The following NDUFA10 variants were observed in gnomAD, a reference collection of about 807,000 sequenced individuals.
NDUFA10 encodes NADH dehydrogenase [ubiquinone] 1 alpha subcomplex subunit 10, mitochondrial.
A neutral mutation model predicts 47.8 loss-of-function variants in NDUFA10; 40 were observed. The ratio of observed to expected loss-of-function variants is 0.84; its 90% CI spans 0.65 to 1.09. The LOEUF (loss-of-function observed/expected upper bound fraction) is 1.09, where lower values mean the gene tolerates loss of function less well. Ranked by LOEUF, NDUFA10 falls within the 50% of genes least tolerant of loss-of-function variation. NDUFA10 has a pLI of 0.00. For missense variants in NDUFA10, 413 were observed against 451.1 expected (o/e 0.92, Z 0.76); for synonymous variants, 183 against 172.2 (o/e 1.06, Z -0.49).
intron 4 of NDUFA10, among the ~76,000 whole-genome samples, chr2:239,940,988 G>C (rs1694351351): frequency 6.6e-6 from 1 of 152,216 alleles, no homozygotes; most frequent in Admixed American, 6.5e-5. Flanking sequence ...TCTTCTCCAT[G>C]TGTGAGGTTC....
intron 4 of NDUFA10, among the ~76,000 whole-genome samples, chr2:239,920,745 G>A (rs929080129): frequency 1.3e-5 from 2 of 152,146 alleles, no homozygotes; most frequent in African/African-American, 2.4e-5. Flanking sequence ...GAGGCGCTGT[G>A]GTTTTGTTTC....
intron 4 of NDUFA10, among the ~76,000 whole-genome samples, chr2:239,913,629 T>C (rs1693791373): frequency 6.6e-6 from 1 of 152,242 alleles, no homozygotes; most frequent in African/African-American, 2.4e-5. Context: ...TTCCTGCATG[T>C]ATGCGTCAGG....
At chr2:239,913,357 C>A (rs1041084602) in intron 4 of NDUFA10, among the ~76,000 whole-genome samples, 1 of 152,244 alleles carries the variant, frequency 6.6e-6, no homozygotes, top group African/African-American at 2.4e-5. Context: ...GGGCTCGTTG[C>A]TCGGCCCACG....
intron 7 of NDUFA10, 152 bp downstream of exon 7, chr2:240,007,164 G>A: frequency 1.5e-6 from 1 of 668,306 alleles, no homozygotes; most frequent in Non-Finnish European, 2.7e-6. Context: ...CCAGGGGAGT[G>A]TGATGATGGG....
intron 4 of NDUFA10, among the ~76,000 whole-genome samples, chr2:239,902,134 A>T (rs1439845223): frequency 6.6e-6 from 1 of 152,226 alleles, no homozygotes; most frequent in East Asian, 1.9e-4. Context: ...CAATTTTAAA[A>T]TTTAAAATTT....
intron 5 of NDUFA10, chr2:240,014,522 C>A: frequency 1.5e-6 from 1 of 653,224 alleles, no homozygotes; most frequent in South Asian, 1.7e-5. Flanking sequence ...CCGCAGAGCA[C>A]TGGTGGGCGG....
chr2:239,981,750 T>A (rs1695783839), intron 9 of NDUFA10, among the ~76,000 whole-genome samples: 1 of 152,176 alleles, frequency 6.6e-6, no homozygotes, highest in African/African-American at 2.4e-5. Context: ...AGACCACCTA[T>A]TTACAGAAGC....
chr2:239,927,192 A>G (rs74270141), intron 4 of NDUFA10, among the ~76,000 whole-genome samples: 9,435 of 152,274 alleles, frequency 0.062, 378 homozygotes, highest in East Asian at 0.11. Flanking sequence ...TTTGTGCCTT[A>G]GTATTTTTTT....
chr2:239,927,109 G>A lies in NDUFA10; in HGVS notation c.295-31795C>T, dbSNP rs538382738. Among the ~76,000 whole-genome samples, 7 of 152,262 alleles carry A rather than the reference G, an allele frequency of 4.6e-5. No homozygotes were observed. In the South Asian group the frequency reaches 1.5e-3, roughly 32 times the overall value. On this transcript the variant is annotated intron_variant, in intron 4 of 5. Transcript: ENST00000419408. ...GGAGCTACAATTCAAGATGAGACTT[G>A]GGTGGGGACACAGTTATACCCTATC... is the stretch of plus-strand genomic sequence containing the variant.
intron 4 of NDUFA10, among the ~76,000 whole-genome samples, chr2:239,932,054 T>C (rs1475201164): frequency 6.6e-6 from 1 of 151,838 alleles, no homozygotes; most frequent in Non-Finnish European, 1.5e-5. Flanking sequence ...CAGGATGGTC[T>C]CAATCTCCTG....
At chr2:239,956,131 A>G (rs1331177529), downstream of NDUFA10, among the ~76,000 whole-genome samples, 1 of 152,154 alleles carries the variant, frequency 6.6e-6, no homozygotes, top group East Asian at 1.9e-4. Context: ...AAGAGCTAGC[A>G]CATCTGGACC....
rs541407282 is a variant in NDUFA10, at chr2:239,992,000, T to C, written c.891-1818A>G. Among the ~76,000 whole-genome samples, 116 of 152,348 alleles carry C rather than the reference T, an allele frequency of 7.6e-4. 1 individual carries two copies. The highest frequency in any genetic ancestry group is 4.4e-3 in the Admixed American group (68 of 15,304). ...AGATTAAAAAAAGAATCTGTTGCAA[T>C]GATTCTACAATTTATTTATACCTAA... On this transcript the variant is annotated intron_variant, in intron 8 of 9. Coordinates refer to ENST00000252711, the MANE Select transcript of NDUFA10 (RefSeq NM_004544.4).
In NDUFA10 at chr2:240,016,446, C is replaced by G. The variant is rs1474505988; in HGVS notation, c.548-1586G>C. On this transcript the variant is annotated intron_variant, in intron 4 of 9. Coordinates refer to ENST00000252711, the MANE Select transcript of NDUFA10 (RefSeq NM_004544.4). This position sits in a 1 kb window ranked among gnomAD's most constrained non-coding sequence, Gnocchi z 4.4. ...GTGGTCCCCACCTTGCTCTATGCCA[C>G]CTGTCCTTTAGCCAACATGATCTGC... is the stretch of plus-strand genomic sequence containing the variant. 1.3e-5 allele frequency among the ~76,000 whole-genome samples: 2 copies of G among 152,188 alleles called. No homozygotes were observed. Among genetic ancestry groups the G allele is most frequent in the African/African-American group, 4.8e-5 (2 of 41,432 alleles).
At chr2:239,912,857 C>T (rs191772592) in intron 4 of NDUFA10, among the ~76,000 whole-genome samples, 9 of 152,344 alleles carry the variant, frequency 5.9e-5, no homozygotes, top group Admixed American at 5.2e-4. Context: ...ATCGGGTCCA[C>T]GTGCTGCCTC....
At chr2:239,897,521 T>C (rs4263139) in intron 4 of NDUFA10, among the ~76,000 whole-genome samples, 122,566 of 152,120 alleles carry the variant, frequency 0.81, 49,495 homozygotes, top group Middle Eastern at 0.88. Flanking sequence ...TAAAACCAAA[T>C]GGGGAAAAGC....
chr2:239,922,764 C>A (rs1330787483), intron 4 of NDUFA10, among the ~76,000 whole-genome samples: 1 of 152,174 alleles, frequency 6.6e-6, no homozygotes, highest in African/African-American at 2.4e-5. Flanking sequence ...TGGGTTTCCA[C>A]CCCAGGTGTC....
In NDUFA10 at chr2:239,928,644, T is replaced by A. The variant is rs1265937988; in HGVS notation, c.295-33330A>T. On this transcript the variant is annotated intron_variant, in intron 4 of 5. Coordinates refer to the NDUFA10 transcript ENST00000419408. This position sits in a 1 kb window ranked among gnomAD's most constrained non-coding sequence, Gnocchi z 4.3. ...CAGGGCCCTGGGGGACACTCTCACCTGTGATTCCCAAGCTGTCTCCAAGCC... is the reference window on the plus strand; with the variant it reads ...CAGGGCCCTGGGGGACACTCTCACCAGTGATTCCCAAGCTGTCTCCAAGCC... Among the ~76,000 whole-genome samples, 1 of 152,164 alleles carries A rather than the reference T, an allele frequency of 6.6e-6. No individual in the cohort carries two copies. Among genetic ancestry groups the A allele is most frequent in the Non-Finnish European group, 1.5e-5 (1 of 68,022 alleles).
chr2:239,997,391 T>C (rs1696523214), intron 8 of NDUFA10, among the ~76,000 whole-genome samples: 1 of 152,208 alleles, frequency 6.6e-6, no homozygotes, highest in Non-Finnish European at 1.5e-5. Flanking sequence ...AATTGAAGTT[T>C]AGTGTTTATA....
intron 4 of NDUFA10, among the ~76,000 whole-genome samples, chr2:239,896,578 G>A (rs889185707): frequency 3.3e-5 from 5 of 152,170 alleles, no homozygotes; most frequent in Admixed American, 2.0e-4. Context: ...TTCCATCATC[G>A]GAAATGCCAA....
Sources: allele counts gnomAD v4.1 joint callset (sites outside exome capture counted in the v4.1 genomes callset), GRCh38; gene constraint gnomAD v4.1.1; non-coding constraint Gnocchi (gnomAD v3.1); transcripts MANE v1.5; gene names NCBI Gene and HGNC (gene_info 2026-07-23, HGNC 2026-07-21).